The following ITLN2 variants were observed in gnomAD, a reference collection of about 807,000 sequenced individuals.
The protein encoded by ITLN2 is intelectin 2, also known as intelectin-2.
ITLN2 carries 29 observed loss-of-function variants against 39.4 expected under a neutral mutation model. The observed-to-expected ratio is 0.74, with a 90% CI of 0.55 to 1.00. The LOEUF is 1.00. Ranked by LOEUF, ITLN2 falls within the 50% of genes least tolerant of loss-of-function variation. The probability of loss-of-function intolerance (pLI) is 0.00; values close to 1 mark genes in which losing one functional copy is unlikely to be tolerated. For missense variants in ITLN2, 412 were observed against 416.7 expected, an observed-to-expected ratio of 0.99 and a Z score of 0.10; for synonymous variants, 156 against 153.4, an observed-to-expected ratio of 1.02 and a Z score of -0.12.
Position 160,945,059 on chromosome 1 carries a change from T to A in ITLN2, c.*81A>T. ...GATGTGATTTAGTCTCCTCTCCTCCTTGTTAGAATTCCAGTTTTTCCGTCT... is the reference window on the plus strand; with the variant it reads ...GATGTGATTTAGTCTCCTCTCCTCCATGTTAGAATTCCAGTTTTTCCGTCT... On this transcript the variant is annotated 3_prime_UTR_variant, in exon 8 of 8. Coordinates refer to ENST00000368029, the MANE Select transcript of ITLN2 (RefSeq NM_080878.3). 1 of 1,303,786 alleles carries A rather than the reference T, an allele frequency of 7.7e-7. No homozygotes were observed. Among genetic ancestry groups the A allele is most frequent in the Non-Finnish European group, 1.1e-6 (1 of 952,164 alleles). The allele number at this position is 1,303,786 out of a possible 1,614,324, so 80.8% of individuals were successfully genotyped here.
intron 3 of ITLN2, among the ~76,000 whole-genome samples, chr1:160,951,645 G>T (rs780450142): frequency 2.0e-5 from 3 of 152,198 alleles, no homozygotes; most frequent in Non-Finnish European, 4.4e-5. Flanking sequence ...CAGAGCAAAG[G>T]TTGTGCCCAC....
rs1176324185 is a variant in ITLN2, at chr1:160,953,166, GGAGAGTACACCCCAGGAA to G, written c.80-451_80-434del. Among the ~76,000 whole-genome samples the G allele has an allele frequency of 5.9e-5, 9 of 152,258 alleles. 1 individual carries two copies. Among genetic ancestry groups the G allele is most frequent in the Admixed American group, 5.9e-4 (9 of 15,294 alleles). ...CTGGCTACAGGACAGGAAGGAAAGGGGAGAGTACACCCCAGGAAGAGAAGAAAGCACATGAGATGGCCT... is the reference window on the plus strand; with the variant it reads ...CTGGCTACAGGACAGGAAGGAAAGGGGAGAAGAAAGCACATGAGATGGCCT... On this transcript the variant is annotated intron_variant, in intron 2 of 7. Transcript: ENST00000368029.
In ITLN2 at chr1:160,947,988, C is replaced by A; in HGVS notation, c.766G>T (p.Glu256Ter). 1.2e-6 allele frequency: 2 copies of A among 1,614,084 alleles called. No homozygotes were observed. The highest frequency in any genetic ancestry group is 1.1e-5 in the South Asian group (1 of 91,086). Residue 256 changes from glutamate (E) to a stop codon, truncating the protein, a stop_gained, in exon 7 of 8, where the codon GAG (glutamate) becomes TAG (stop). Coordinates refer to ENST00000368029, the MANE Select transcript of ITLN2 (RefSeq NM_080878.3). LOFTEE classifies it high-confidence loss of function. ...GCACAAAGGGCGTTGGCTGCTCTCT[C>A]GTTATTAAACACCCGGAACTGAACG... ...GFVQFRVFNN[E>*]RAANALCAGI...
At chr1:160,949,053 G>A (rs1026670411) in intron 6 of ITLN2, 7 of 152,138 alleles carry the variant, frequency 4.6e-5, no homozygotes, top group African/African-American at 1.7e-4. Flanking sequence ...CAGGACAATA[G>A]GGTAATAGTG....
chr1:160,945,613 T>G (rs989362270), intron 7 of ITLN2, among the ~76,000 whole-genome samples: 11 of 152,330 alleles, frequency 7.2e-5, no homozygotes, highest in Middle Eastern at 3.4e-3. Context: ...ATCCTCCGAA[T>G]TCTAATCTGC....
Position 160,947,972 on chromosome 1 carries a change from G to T in ITLN2, c.782C>A (p.Ala261Asp), listed in dbSNP as rs995454675. The T allele has an allele frequency of 3.1e-6, 5 of 1,614,136 alleles. No homozygotes were observed. Among genetic ancestry groups the T allele is most frequent in the Middle Eastern group, 3.3e-4 (2 of 6,062 alleles). Residue 261 changes from alanine to aspartate, a missense_variant, in exon 7 of 8, where the codon GCC becomes GAC. Coordinates refer to ENST00000368029, the MANE Select transcript of ITLN2 (RefSeq NM_080878.3). ...RVFNNERAAN[A>D]LCAGIKVTGC... ...AGTAACTTTTATCCCAGCACAAAGG[G>T]CGTTGGCTGCTCTCTCGTTATTAAA...
intron 7 of ITLN2, among the ~76,000 whole-genome samples, chr1:160,946,370 T>G (rs973817579): frequency 1.3e-5 from 2 of 152,082 alleles, no homozygotes; most frequent in African/African-American, 4.8e-5. Context: ...ACTCAACTTC[T>G]GGCATCTACT....
intron 7 of ITLN2, among the ~76,000 whole-genome samples, chr1:160,947,059 C>A (rs1252447170): frequency 6.6e-6 from 1 of 152,180 alleles, no homozygotes; most frequent in Non-Finnish European, 1.5e-5. Flanking sequence ...CCGGTGCCAG[C>A]CTCTGAGTTC....
intron 7 of ITLN2, 80 bp from the exon 8 acceptor site, chr1:160,945,372 C>A (rs1671578263): frequency 7.4e-7 from 1 of 1,350,610 alleles, no homozygotes. Flanking sequence ...GTCTCGAACT[C>A]CAGACCTCAA....
intron 7 of ITLN2, among the ~76,000 whole-genome samples, chr1:160,946,954 T>C (rs933290669): frequency 2.6e-5 from 4 of 151,842 alleles, no homozygotes; most frequent in Non-Finnish European, 5.9e-5. Context: ...TCAGGTGGGA[T>C]GAGAGACTGA....
intron 2 of ITLN2, among the ~76,000 whole-genome samples, chr1:160,953,841 C>G (rs558228489): frequency 1.3e-5 from 2 of 152,098 alleles, no homozygotes; most frequent in African/African-American, 2.4e-5. Flanking sequence ...CTTCTTTATA[C>G]GCATGGAGAT....
chr1:160,948,110 G>T, intron 6 of ITLN2, 78 bp from the exon 7 acceptor site: 1 of 1,225,870 alleles, frequency 8.2e-7, no homozygotes, highest in Non-Finnish European at 1.2e-6. Context: ...CCAGTCCAGG[G>T]ATTCCCTAAG....
chr1:160,954,340 G>T, intron 2 of ITLN2, 47 bp downstream of exon 2: 1 of 1,382,338 alleles, frequency 7.2e-7, no homozygotes. Context: ...CTGCACAGCA[G>T]AGGGGAGCCC....
intron 7 of ITLN2, among the ~76,000 whole-genome samples, chr1:160,946,855 A>AT (rs1251882824): frequency 6.6e-6 from 1 of 152,168 alleles, no homozygotes; most frequent in African/African-American, 2.4e-5. Flanking sequence ...ACACACATTG[A>AT]TACACCCCAC....
intron 2 of ITLN2, 90 bp downstream of exon 2, chr1:160,954,296 TC>T: frequency 9.8e-7 from 1 of 1,017,818 alleles, no homozygotes; most frequent in South Asian, 1.5e-5. Flanking sequence ...ACCCTTGACT[TC>T]AGAGCCCTGC....
At position 160,950,984 on chromosome 1, in the gene ITLN2, G is replaced by T. The variant is rs1671727869; in HGVS notation, c.441+59C>A. On this transcript the variant is annotated intron_variant, in intron 4 of 7. Coordinates refer to ENST00000368029, the MANE Select transcript of ITLN2 (RefSeq NM_080878.3). The stretch of plus-strand genomic sequence containing the variant: ...CTTCCAGCCCTCCCTCCTGCAGGCT[G>T]GTGGCCAGCCACACTCCACACCTCA... 6.2e-6 allele frequency: 10 copies of T among 1,613,638 alleles called. No homozygotes were observed. The Admixed American group carries it at 1.7e-4, about 27-fold the overall frequency.
At chr1:160,951,769 T>C (rs926050503) in intron 3 of ITLN2, among the ~76,000 whole-genome samples, 7 of 152,188 alleles carry the variant, frequency 4.6e-5, no homozygotes, top group African/African-American at 1.7e-4. Context: ...ATAGGCCACA[T>C]AGGGACAGCT....
At position 160,951,255 on chromosome 1, in the gene ITLN2, C is replaced by T. The variant is rs375483594; in HGVS notation, c.229G>A (p.Val77Ile). Residue 77 changes from valine to isoleucine, a missense_variant, in exon 4 of 8, where the codon GTC (valine) becomes ATC (isoleucine). Coordinates refer to ENST00000368029, the MANE Select transcript of ITLN2 (RefSeq NM_080878.3). ...GTCATGTCACAGAAGGTCTGGTAGA[C>T]AACACCATTCTTGGTGCGGAGAAAA... ...LYFLRTKNGVVYQTFCDMTSG... is the reference protein window; with the variant it reads ...LYFLRTKNGVIYQTFCDMTSG... The T allele has an allele frequency of 2.0e-5, 32 of 1,602,998 alleles. No homozygotes were observed. The highest frequency in any genetic ancestry group is 2.2e-5 in the Non-Finnish European group (26 of 1,173,730).
At chr1:160,946,781 C>A (rs1671615245) in intron 7 of ITLN2, among the ~76,000 whole-genome samples, 1 of 151,678 alleles carries the variant, frequency 6.6e-6, no homozygotes, top group Admixed American at 6.6e-5. Flanking sequence ...AAATTATATT[C>A]ATAAGACATC....
Sources: gnomAD v4.1 joint callset for allele counts (sites outside exome capture counted in the v4.1 genomes callset) on GRCh38, gnomAD v4.1.1 for gene constraint, MANE v1.5 for transcripts, NCBI Gene and HGNC (gene_info 2026-07-23, HGNC 2026-07-21) for gene names.